WIPF2: variants seen among roughly 807,000 people sequenced by gnomAD.
The protein encoded by WIPF2 is WAS/WASL-interacting protein family member 2.
In WIPF2, 23 loss-of-function variants were observed where a neutral mutation model predicts 38.8. The observed-to-expected ratio is 0.59, with a 90% CI of 0.43 to 0.84. WIPF2 has a LOEUF of 0.84. Among genes scored for constraint, WIPF2 ranks in the 40% least tolerant of loss-of-function variants. WIPF2 has a pLI of 0.00. For missense variants in WIPF2, 574 were observed against 580.5 expected, an observed-to-expected ratio of 0.99 and a Z score of 0.11; for synonymous variants, 210 against 223.2, an observed-to-expected ratio of 0.94 and a Z score of 0.53.
At chr17:40,226,988 G>A (rs906399192) in intron 1 of WIPF2, among the ~76,000 whole-genome samples, 52 of 151,756 alleles carry the variant, frequency 3.4e-4, no homozygotes, top group African/African-American at 1.1e-3. Context: ...TGATCTTTCC[G>A]CCTCAGCCTC....
At chr17:40,238,036 AG>A (rs1279210364) in intron 1 of WIPF2, among the ~76,000 whole-genome samples, 1 of 149,940 alleles carries the variant, frequency 6.7e-6, no homozygotes, top group African/African-American at 2.5e-5. Flanking sequence ...ACTGCACTCC[AG>A]CCTGGCAACA....
intron 1 of WIPF2, among the ~76,000 whole-genome samples, chr17:40,238,877 C>T (rs1055898870): frequency 7.2e-5 from 11 of 151,786 alleles, no homozygotes; most frequent in Non-Finnish European, 1.3e-4. Flanking sequence ...TCCCAAAGTG[C>T]TGGGATTACA....
At chr17:40,238,915 A>AT (rs2031081343) in intron 1 of WIPF2, among the ~76,000 whole-genome samples, 1 of 149,830 alleles carries the variant, frequency 6.7e-6, no homozygotes, top group Non-Finnish European at 1.5e-5. Context: ...CCGGCCATTT[A>AT]TTTTTTAAGA....
At chr17:40,272,672 G>A (rs2032283966) in intron 5 of WIPF2, among the ~76,000 whole-genome samples, 1 of 152,154 alleles carries the variant, frequency 6.6e-6, no homozygotes, top group South Asian at 2.1e-4. Flanking sequence ...GGATTTGGTA[G>A]TAAGGGAAGG....
chr17:40,282,797 A>C lies in WIPF2; in HGVS notation c.*4572A>C, dbSNP rs2032579764. On this transcript the variant is annotated 3_prime_UTR_variant, in exon 8 of 8. Transcript: ENST00000323571. ...TGGGTAAGTGTAGTGGTTTGATTCC[A>C]GGTCCCTTGAAAAAGTAGATCTACT... 6.6e-6 allele frequency: 1 copy of C among 152,190 alleles called. No homozygotes were observed. The allele number at this position is 152,190 out of a possible 1,614,324, so 9.4% of individuals were successfully genotyped here. A position where few individuals can be genotyped will look rare whatever the true frequency, so the allele number is the denominator to read the frequency against.
At chr17:40,269,128 G>A (rs975481842) in intron 5 of WIPF2, among the ~76,000 whole-genome samples, 12 of 152,090 alleles carry the variant, frequency 7.9e-5, no homozygotes, top group African/African-American at 2.7e-4. Context: ...AGACCAGCCT[G>A]GCCAACATGG....
At chr17:40,236,397 G>T (rs2030968894) in intron 1 of WIPF2, among the ~76,000 whole-genome samples, 1 of 151,842 alleles carries the variant, frequency 6.6e-6, no homozygotes, top group Non-Finnish European at 1.5e-5. Flanking sequence ...GGAGTGCAGT[G>T]GTGCAATCTT....
Position 40,273,858 on chromosome 17 carries a change from C to A in WIPF2, c.1039C>A (p.Arg347=). 6.3e-7 allele frequency: 1 copy of A among 1,580,276 alleles called. No individual in the cohort carries two copies. The highest frequency in any genetic ancestry group is 8.7e-7 in the Non-Finnish European group (1 of 1,155,592). The part of the protein sequence containing the change: ...RDAPPPPPPY[R]MHGSEPPSRG... ...TGCTCCCCCTCCCCCACCACCATAC[C>A]GAATGCATGGGTCAGAACCCCCGAG... Residue 347 remains arginine (R), a synonymous_variant, in exon 6 of 8, where the codon CGA becomes AGA. Coordinates refer to ENST00000323571, the MANE Select transcript of WIPF2 (RefSeq NM_133264.5).
At chr17:40,237,424 AGAG>A (rs1318235821) in intron 1 of WIPF2, among the ~76,000 whole-genome samples, 1 of 151,770 alleles carries the variant, frequency 6.6e-6, no homozygotes, top group African/African-American at 2.4e-5. Flanking sequence ...TATTTTTAGT[AGAG>A]ACAGAGTCTT....
intron 1 of WIPF2, among the ~76,000 whole-genome samples, chr17:40,253,371 C>G (rs998440290): frequency 1.1e-4 from 17 of 152,174 alleles, no homozygotes; most frequent in Admixed American, 1.0e-3. Flanking sequence ...CTATTTTCCC[C>G]TTTGTTTCCT....
At chr17:40,266,139 GA>G (rs1712740607) in intron 5 of WIPF2, among the ~76,000 whole-genome samples, 3 of 151,434 alleles carry the variant, frequency 2.0e-5, no homozygotes, top group African/African-American at 7.3e-5. Flanking sequence ...CTAGGAGGCT[GA>G]GGCAGGAGAA....
At chr17:40,248,462 C>A (rs994772035) in intron 1 of WIPF2, among the ~76,000 whole-genome samples, 16 of 152,052 alleles carry the variant, frequency 1.1e-4, no homozygotes, top group Non-Finnish European at 1.5e-4. Context: ...AGCCACTGTG[C>A]CTGGCCTAAA....
intron 1 of WIPF2, among the ~76,000 whole-genome samples, chr17:40,255,671 C>A (rs2031701548): frequency 1.4e-5 from 2 of 141,608 alleles, no homozygotes; most frequent in African/African-American, 5.3e-5. Context: ...CTCTGTCATC[C>A]AGGCTGGAGT....
intron 1 of WIPF2, among the ~76,000 whole-genome samples, chr17:40,228,052 G>A (rs2030573000): frequency 1.0e-5 from 1 of 97,750 alleles, no homozygotes; most frequent in African/African-American, 4.1e-5. Flanking sequence ...GTCTCGCTCT[G>A]TCGCCCAGGC....
chr17:40,276,659 A>ATC (rs2032410035), intron 6 of WIPF2, among the ~76,000 whole-genome samples: 1 of 152,040 alleles, frequency 6.6e-6, no homozygotes, highest in African/African-American at 2.4e-5. Context: ...CACACCTGTA[A>ATC]TCCCAGCACT....
At chr17:40,262,079 T>C (rs1191872764) in intron 3 of WIPF2, among the ~76,000 whole-genome samples, 2 of 6,252 alleles carry the variant, frequency 3.2e-4, no homozygotes, top group Non-Finnish European at 5.8e-4. Context: ...TCTTTTCTCT[T>C]TTTTTTTTTT....
At chr17:40,241,113 A>T (rs1344053117) in intron 1 of WIPF2, among the ~76,000 whole-genome samples, 1 of 152,140 alleles carries the variant, frequency 6.6e-6, no homozygotes, top group Admixed American at 6.6e-5. Flanking sequence ...TTGATTACTA[A>T]TACTCCTTTA....
At chr17:40,251,835 T>C (rs1162738381) in intron 1 of WIPF2, among the ~76,000 whole-genome samples, 1 of 152,210 alleles carries the variant, frequency 6.6e-6, no homozygotes, top group Non-Finnish European at 1.5e-5. Context: ...ATAAATGTCA[T>C]TGATAGGAGT....
In WIPF2 at chr17:40,219,339, A is replaced by C. The variant is rs1041832928; in HGVS notation, c.-223A>C. Reference sequence around the variant, plus strand: ...CGGACGCTGGGGACGGTGGGAGCAGATCCATTTCCGGGTTGGCAAAAGGGG... The same window carrying C: ...CGGACGCTGGGGACGGTGGGAGCAGCTCCATTTCCGGGTTGGCAAAAGGGG... On this transcript the variant is annotated 5_prime_UTR_variant, in exon 1 of 8. Transcript: ENST00000323571. The C allele has an allele frequency of 1.5e-4, 54 of 362,328 alleles. No individual in the cohort carries two copies. The East Asian group carries it at 3.3e-3, about 22-fold the overall frequency. 22.4% of individuals were successfully genotyped at this position (362,328 alleles called of 1,614,324 possible). A position where few individuals can be genotyped will look rare whatever the true frequency, so the allele number is the denominator to read the frequency against.
Sources: allele counts gnomAD v4.1 joint callset (sites outside exome capture counted in the v4.1 genomes callset), GRCh38; gene constraint gnomAD v4.1.1; transcripts MANE v1.5; gene names NCBI Gene and HGNC (gene_info 2026-07-23, HGNC 2026-07-21).